The following TAF8 variants were observed in gnomAD, a reference collection of about 807,000 sequenced individuals.
TAF8 encodes TATA-box binding protein associated factor 8, also known as transcription initiation factor TFIID subunit 8.
In TAF8, 47 loss-of-function variants were observed where a neutral mutation model predicts 36.5. The ratio of observed to expected loss-of-function variants is 1.29; its 90% confidence interval spans 1.02 to 1.64. TAF8 has a LOEUF of 1.64. TAF8 is among the 40% of genes most tolerant of loss of function. The probability of loss-of-function intolerance (pLI) is 0.00; values close to 1 mark genes in which losing one functional copy is unlikely to be tolerated. For missense variants in TAF8, 420 were observed against 407.6 expected (o/e 1.03, Z -0.26); for synonymous variants, 175 against 159.5 (o/e 1.10, Z -0.73).
Position 42,080,870 on chromosome 6 carries a change from CAATA to C in TAF8, c.*3328_*3331del. 1 of 979,500 alleles carries C rather than the reference CAATA, an allele frequency of 1.0e-6. No individual in the cohort carries two copies. The highest frequency in any genetic ancestry group is 1.2e-6 in the Non-Finnish European group (1 of 824,618). 60.7% of individuals were successfully genotyped at this position (979,500 alleles called of 1,614,324 possible). A position where few individuals can be genotyped will look rare whatever the true frequency, so the allele number is the denominator to read the frequency against. On this transcript the variant is annotated 3_prime_UTR_variant, in exon 9 of 9. Coordinates refer to ENST00000372977, the MANE Select transcript of TAF8 (RefSeq NM_138572.3). ...AGATTAAAAATGTTTATGAAAATCT[CAATA>C]AAAATTCATAATAAAAACTTTGTAA...
intron 2 of TAF8, among the ~76,000 whole-genome samples, chr6:42,054,065 A>G (rs993931017): frequency 4.6e-5 from 7 of 152,076 alleles, no homozygotes; most frequent in African/African-American, 7.2e-5. Flanking sequence ...CCCTTTGTAC[A>G]TTTGATAAAA....
downstream of TAF8, chr6:42,086,601 C>T (rs1265880531): frequency 3.1e-6 from 3 of 975,132 alleles, no homozygotes; most frequent in African/African-American, 3.2e-5. Flanking sequence ...TCACAAGCAG[C>T]TCCCCTGATC....
At chr6:42,065,540 T>C (rs1297982266) in intron 5 of TAF8, among the ~76,000 whole-genome samples, 1 of 152,142 alleles carries the variant, frequency 6.6e-6, no homozygotes, top group Non-Finnish European at 1.5e-5. Flanking sequence ...TTTGGAACAA[T>C]GTATCCATAT....
chr6:42,050,649 G>T, intron 1 of TAF8, 63 bp downstream of exon 1: 1 of 1,495,720 alleles, frequency 6.7e-7, no homozygotes, highest in South Asian at 1.2e-5. Context: ...CTTTCCCCTC[G>T]ACTGAGCAAC....
In TAF8 at chr6:42,080,088, C is replaced by G. The variant is rs1262415211; in HGVS notation, c.*2543C>G. 47 of 985,238 alleles carry G rather than the reference C, an allele frequency of 4.8e-5. No individual in the cohort carries two copies. The highest frequency in any genetic ancestry group is 5.7e-5 in the Non-Finnish European group (47 of 829,936). The allele number at this position is 985,238 out of a possible 1,614,324, so 61.0% of individuals were successfully genotyped here. On this transcript the variant is annotated 3_prime_UTR_variant, in exon 9 of 9. Coordinates refer to ENST00000372977, the MANE Select transcript of TAF8 (RefSeq NM_138572.3). ...ACTCTCCTAGATCGAAGCAGTTAGACTGGCCTATGTGGCCTTCTCAGGGTT... is the reference window on the plus strand; with the variant it reads ...ACTCTCCTAGATCGAAGCAGTTAGAGTGGCCTATGTGGCCTTCTCAGGGTT...
At chr6:42,070,270 C>T (rs576391655) in intron 7 of TAF8, among the ~76,000 whole-genome samples, 21 of 152,040 alleles carry the variant, frequency 1.4e-4, no homozygotes, top group African/African-American at 4.3e-4. Context: ...GGGCAGATCA[C>T]GAGGTCAGGA....
chr6:42,075,832 C>A (rs1765726381), intron 7 of TAF8, among the ~76,000 whole-genome samples: 1 of 152,188 alleles, frequency 6.6e-6, no homozygotes, highest in African/African-American at 2.4e-5. Context: ...CTATACACAA[C>A]TGTGACTTTT....
Position 42,080,568 on chromosome 6 carries a change from G to A in TAF8, c.*3023G>A, listed in dbSNP as rs994450323. On this transcript the variant is annotated 3_prime_UTR_variant, in exon 9 of 9. Transcript: ENST00000372977. Reference sequence around the variant, plus strand: ...TTTTTGTATTTTTGGTAGAGACGGGGTTTCACCAGGTTGGCCAGGGTGGTC... The same window carrying A: ...TTTTTGTATTTTTGGTAGAGACGGGATTTCACCAGGTTGGCCAGGGTGGTC... The A allele has an allele frequency of 5.8e-6, 3 of 521,024 alleles. No homozygotes were observed. Among genetic ancestry groups the A allele is most frequent in the Non-Finnish European group, 4.9e-6 (2 of 406,400 alleles). The allele number at this position is 521,024 out of a possible 1,614,324, so 32.3% of individuals were successfully genotyped here.
rs1765831587 is a variant in TAF8 at position 42,078,616 on chromosome 6, C to G, written c.*1071C>G. The G allele has an allele frequency of 1.0e-6, 1 of 985,446 alleles. No individual in the cohort carries two copies. Among genetic ancestry groups the G allele is most frequent in the Non-Finnish European group, 1.2e-6 (1 of 829,960 alleles). 61.0% of individuals were successfully genotyped at this position (985,446 alleles called of 1,614,324 possible). A position where few individuals can be genotyped will look rare whatever the true frequency, so the allele number is the denominator to read the frequency against. On this transcript the variant is annotated 3_prime_UTR_variant, in exon 9 of 9. Transcript: ENST00000372977. ...AGAAGAACGACATGTCGGGGCTGCACCTGTCCTCCCGTCGGCATTTGACGA... is the reference window on the plus strand; with the variant it reads ...AGAAGAACGACATGTCGGGGCTGCAGCTGTCCTCCCGTCGGCATTTGACGA...
intron 3 of TAF8, 134 bp downstream of exon 3, chr6:42,055,763 A>G (rs1472367165): frequency 5.0e-6 from 4 of 804,212 alleles, no homozygotes; most frequent in Admixed American, 2.3e-5. Flanking sequence ...AGAGTTATCA[A>G]GAGAGATTCC....
intron 5 of TAF8, among the ~76,000 whole-genome samples, chr6:42,063,993 T>C (rs528150781): frequency 1.5e-4 from 23 of 152,342 alleles, no homozygotes; most frequent in Middle Eastern, 3.4e-3. Flanking sequence ...ATTTTGATAC[T>C]TTAATGGCTC....
chr6:42,069,986 T>A (rs988322713), intron 7 of TAF8, among the ~76,000 whole-genome samples: 1 of 152,084 alleles, frequency 6.6e-6, no homozygotes, highest in Non-Finnish European at 1.5e-5. Flanking sequence ...GCTCCAATGG[T>A]AGGAGGACTG....
At chr6:42,085,496 T>C (rs997633915), downstream of TAF8, among the ~76,000 whole-genome samples, 28 of 152,078 alleles carry the variant, frequency 1.8e-4, no homozygotes, top group African/African-American at 6.5e-4. Flanking sequence ...AGGAGGTAAT[T>C]AAGTCATGAG....
At chr6:42,056,040 T>C (rs977542215) in intron 4 of TAF8, 26 bp downstream of exon 4, 21 of 1,514,710 alleles carry the variant, frequency 1.4e-5, no homozygotes, top group Admixed American at 1.7e-5. Context: ...CTGAGGTACT[T>C]AGCAATTTTT....
At chr6:42,063,882 A>G (rs1765267292) in intron 5 of TAF8, 1 of 152,116 alleles carries the variant, frequency 6.6e-6, no homozygotes, top group Non-Finnish European at 1.5e-5. Flanking sequence ...CAGCCTGCAG[A>G]GTAGCTAGGA....
At chr6:42,058,577 G>A (rs890087583) in intron 5 of TAF8, among the ~76,000 whole-genome samples, 1 of 152,106 alleles carries the variant, frequency 6.6e-6, no homozygotes, top group African/African-American at 2.4e-5. Flanking sequence ...ATATAGTGAT[G>A]GCAAGCCCTC....
intron 5 of TAF8, among the ~76,000 whole-genome samples, chr6:42,061,173 A>G (rs776251951): frequency 1.3e-4 from 20 of 152,230 alleles, no homozygotes; most frequent in African/African-American, 4.1e-4. Flanking sequence ...ACAAAAGTCT[A>G]TAGCCACTAT....
intron 7 of TAF8, among the ~76,000 whole-genome samples, chr6:42,069,935 A>G (rs1479940261): frequency 6.6e-6 from 1 of 152,174 alleles, no homozygotes; most frequent in Non-Finnish European, 1.5e-5. Flanking sequence ...TAAGTGTTTC[A>G]GGGAGAAAAG....
At chr6:42,075,668 G>A (rs1329052331) in intron 7 of TAF8, among the ~76,000 whole-genome samples, 2 of 151,890 alleles carry the variant, frequency 1.3e-5, no homozygotes, top group Non-Finnish European at 2.9e-5. Flanking sequence ...CTTCTTCCCC[G>A]TGGAAGAACT....
Sources: allele counts gnomAD v4.1 joint callset (sites outside exome capture counted in the v4.1 genomes callset), GRCh38; gene constraint gnomAD v4.1.1; transcripts MANE v1.5; gene names NCBI Gene and HGNC (gene_info 2026-07-23, HGNC 2026-07-21).